The following RBKS variants were observed in gnomAD, a reference collection of about 807,000 sequenced individuals.
The protein encoded by RBKS is ribokinase.
In RBKS, 33 loss-of-function variants were observed where a neutral mutation model predicts 33.9. That is an observed-to-expected ratio of 0.97 (90% CI 0.74 to 1.30). The LOEUF (loss-of-function observed/expected upper bound fraction) is 1.30, where lower values mean the gene tolerates loss of function less well. Among genes scored for constraint, RBKS ranks in the 50% most tolerant of loss-of-function variants. RBKS has a pLI of 0.00. For synonymous variants in RBKS, 125 were observed against 143.0 expected (o/e 0.87, Z 0.90); for missense variants, 361 against 392.6 (o/e 0.92, Z 0.68).
chr2:27,878,234 A>G (rs1394921167), intron 1 of RBKS, among the ~76,000 whole-genome samples: 1 of 137,174 alleles, frequency 7.3e-6, no homozygotes, highest in African/African-American at 2.8e-5. Flanking sequence ...TCCTGTGTCC[A>G]TGTGTTCTCA....
intron 1 of RBKS, among the ~76,000 whole-genome samples, chr2:27,884,240 G>A (rs773932248): frequency 6.6e-6 from 1 of 152,154 alleles, no homozygotes; most frequent in Non-Finnish European, 1.5e-5. Context: ...GATAGGTACA[G>A]TATAACTCTC....
intron 6 of RBKS, among the ~76,000 whole-genome samples, chr2:27,832,248 T>C (rs1005790780): frequency 5.9e-5 from 9 of 152,202 alleles, no homozygotes; most frequent in Non-Finnish European, 1.3e-4. Context: ...TCAGTTAAAT[T>C]TGAATTTAAG....
At chr2:27,861,600 A>T in intron 1 of RBKS, 1 of 470,052 alleles carries the variant, frequency 2.1e-6, no homozygotes, top group Admixed American at 2.4e-5. Flanking sequence ...CCCTGATGCA[A>T]GTAATACACG....
intron 1 of RBKS, chr2:27,861,534 C>T (rs1366746238): frequency 4.2e-6 from 2 of 470,982 alleles, no homozygotes; most frequent in Non-Finnish European, 8.8e-6. Flanking sequence ...ATCACTGTGT[C>T]CTGATGTATC....
At chr2:27,858,852 C>G (rs1663916782) in intron 1 of RBKS, among the ~76,000 whole-genome samples, 1 of 152,118 alleles carries the variant, frequency 6.6e-6, no homozygotes, top group South Asian at 2.1e-4. Context: ...AATACTTTTC[C>G]TTCATATTCT....
rs557232053 is a variant in RBKS, at chr2:27,837,781, C to T, written c.515-5004G>A. 5.9e-5 allele frequency among the ~76,000 whole-genome samples: 9 copies of T among 152,170 alleles called. No individual in the cohort carries two copies. The highest frequency in any genetic ancestry group is 1.9e-4 in the East Asian group (1 of 5,174). On this transcript the variant is annotated intron_variant, in intron 5 of 7. Transcript: ENST00000302188. This position sits in a 1 kb window ranked among gnomAD's most constrained non-coding sequence, Gnocchi z 4.0. ...ATAAGTGGGGGCTAAATATTGAGTA[C>T]GCATGGACAGAAAGATGGGAACAAC...
At chr2:27,802,933 C>T (rs1267189676) in intron 7 of RBKS, among the ~76,000 whole-genome samples, 1 of 152,150 alleles carries the variant, frequency 6.6e-6, no homozygotes, top group African/African-American at 2.4e-5. Context: ...GGCACAGTGC[C>T]GCTTACACAA....
intron 7 of RBKS, among the ~76,000 whole-genome samples, chr2:27,784,462 G>T (rs567803603): frequency 1.2e-4 from 19 of 152,316 alleles, no homozygotes; most frequent in African/African-American, 4.3e-4. Flanking sequence ...TGCTAGAAAA[G>T]GACTAAAATC....
Position 27,890,077 on chromosome 2 carries a change from T to TA in RBKS, c.89+179dup. On this transcript the variant is annotated intron_variant, in intron 1 of 7. Transcript: ENST00000302188. This position sits in a 1 kb window ranked among gnomAD's most constrained non-coding sequence, Gnocchi z 4.8. ...TCCCCTCCCCTGAGATTTACCTTTA[T>TA]ATACTCAAGTTCTTTCATGCCAGGA... The TA allele has an allele frequency of 1.7e-6, 1 of 585,792 alleles. No individual in the cohort carries two copies. The highest frequency in any genetic ancestry group is 3.0e-6 in the Non-Finnish European group (1 of 329,206). 36.3% of individuals were successfully genotyped at this position (585,792 alleles called of 1,614,324 possible).
At chr2:27,858,197 G>A (rs1047999988) in intron 2 of RBKS, among the ~76,000 whole-genome samples, 5 of 152,140 alleles carry the variant, frequency 3.3e-5, no homozygotes, top group African/African-American at 7.2e-5. Flanking sequence ...GGTTCCCAGG[G>A]CTTTAAAGGG....
At chr2:27,792,022 A>G (rs1472146802) in intron 7 of RBKS, among the ~76,000 whole-genome samples, 2 of 152,176 alleles carry the variant, frequency 1.3e-5, no homozygotes, top group African/African-American at 4.8e-5. Flanking sequence ...GGGTATGTGT[A>G]TTGAGTTATA....
chr2:27,855,475 A>G (rs573176343), intron 2 of RBKS, among the ~76,000 whole-genome samples: 2 of 152,336 alleles, frequency 1.3e-5, no homozygotes, highest in East Asian at 3.9e-4. Flanking sequence ...GATGTTTAGG[A>G]ATAACTTCCT....
intron 2 of RBKS, among the ~76,000 whole-genome samples, chr2:27,857,345 G>A (rs1252976106): frequency 6.6e-6 from 1 of 152,138 alleles, no homozygotes; most frequent in East Asian, 1.9e-4. Context: ...TATAATGCTA[G>A]CGCCTTAAAA....
rs575507705 is a variant in RBKS, at chr2:27,812,401, C to T, written c.795+15166G>A. On this transcript the variant is annotated intron_variant, in intron 7 of 7. Transcript: ENST00000302188. The stretch of plus-strand genomic sequence containing the variant: ...TATAAATCATGCTGCTATAAAGACA[C>T]ATGCACACGTATGTTTATTGTGGTA... 1.1e-4 allele frequency among the ~76,000 whole-genome samples: 17 copies of T among 152,330 alleles called. No homozygotes were observed. In the East Asian group the frequency reaches 3.3e-3, roughly 29 times the overall value.
intron 6 of RBKS, among the ~76,000 whole-genome samples, chr2:27,830,593 T>C (rs985357386): frequency 2.6e-5 from 4 of 151,744 alleles, no homozygotes; most frequent in African/African-American, 7.3e-5. Flanking sequence ...ATGTTTTTCT[T>C]TCTTCCATTA....
intron 7 of RBKS, among the ~76,000 whole-genome samples, chr2:27,816,606 T>C (rs1678099106): frequency 7.0e-6 from 1 of 142,316 alleles, no homozygotes; most frequent in African/African-American, 3.0e-5. Context: ...AGGATATGTG[T>C]TTTTTTGTTT....
At chr2:27,803,277 T>G (rs960269598) in intron 7 of RBKS, among the ~76,000 whole-genome samples, 1 of 152,378 alleles carries the variant, frequency 6.6e-6, no homozygotes, top group Admixed American at 6.5e-5. Flanking sequence ...TTCAGTTTTC[T>G]TATCATTATT....
chr2:27,782,007 T>G (rs1326656327), intron 7 of RBKS, among the ~76,000 whole-genome samples: 1 of 152,192 alleles, frequency 6.6e-6, no homozygotes, highest in Non-Finnish European at 1.5e-5. Flanking sequence ...TTAAGTGAAC[T>G]TCATACTTTT....
chr2:27,832,877 G>A (rs1678449183), intron 5 of RBKS, 100 bp from the exon 6 acceptor site: 4 of 772,262 alleles, frequency 5.2e-6, no homozygotes, highest in South Asian at 2.9e-5. Flanking sequence ...GTTCGTTTTT[G>A]TCTTCATCTG....
Sources: gnomAD v4.1 joint callset for allele counts (sites outside exome capture counted in the v4.1 genomes callset) on GRCh38, gnomAD v4.1.1 for gene constraint, Gnocchi (gnomAD v3.1) non-coding constraint, MANE v1.5 for transcripts, NCBI Gene and HGNC (gene_info 2026-07-23, HGNC 2026-07-21) for gene names.